Variants in PSAP observed in about 807,000 individuals in gnomAD.
PSAP encodes the protein precursor of saposins.
Under a neutral mutation model 66.0 loss-of-function variants are expected in PSAP, and 25 were observed. The ratio of observed to expected loss-of-function variants is 0.38; its 90% confidence interval spans 0.28 to 0.53. The LOEUF (loss-of-function observed/expected upper bound fraction) is 0.53. PSAP is among the 20% of genes least tolerant of loss of function. The probability of loss-of-function intolerance (pLI) is 0.83; values close to 1 mark genes in which losing one functional copy is unlikely to be tolerated. For synonymous variants in PSAP, 273 were observed against 258.9 expected (o/e 1.05, Z -0.52); for missense variants, 649 against 668.8 (o/e 0.97, Z 0.33).
rs1290504062 is a variant in PSAP at position 71,831,168 on chromosome 10, G to A, written c.333C>T (p.Asp111=). ...NMSASCKEIV[D]SYLPVILDII... is the part of the protein sequence containing the mutation. ...TGTCCAGGATGACAGGGAGGTAGGA[G>A]TCCACTATCTCCTTGCATGAAGCAG... is the stretch of plus-strand genomic sequence containing the variant. The change falls in exon 4 of 14, where the codon GAC becomes GAT. Residue 111 remains aspartate, a synonymous_variant. Transcript: ENST00000394936. 1 of 1,614,176 alleles carries A rather than the reference G, an allele frequency of 6.2e-7. No individual in the cohort carries two copies. The highest frequency in any genetic ancestry group is 1.6e-4 in the Middle Eastern group (1 of 6,062).
chr10:71,832,135 C>T (rs1407819878), intron 2 of PSAP, among the ~76,000 whole-genome samples: 2 of 152,154 alleles, frequency 1.3e-5, no homozygotes, highest in African/African-American at 4.8e-5. Flanking sequence ...CTGTGAGTTA[C>T]AGGACACAGA....
intron 1 of PSAP, among the ~76,000 whole-genome samples, chr10:71,846,443 A>T (rs966193682): frequency 6.6e-6 from 1 of 150,952 alleles, no homozygotes; most frequent in Non-Finnish European, 1.5e-5. Flanking sequence ...AAAAAAAAAA[A>T]GCCAGGTGCG....
intron 1 of PSAP, among the ~76,000 whole-genome samples, chr10:71,844,133 A>C (rs770451493): frequency 6.6e-6 from 1 of 152,260 alleles, no homozygotes; most frequent in Non-Finnish European, 1.5e-5. Context: ...AACAATATCA[A>C]ATGTTAACAA....
In PSAP at chr10:71,851,225, G is replaced by T. The variant is rs2070188; in HGVS notation, c.-4C>A. 2.6e-6 allele frequency: 4 copies of T among 1,550,852 alleles called. No individual in the cohort carries two copies. In the African/African-American group the frequency reaches 4.1e-5, roughly 16 times the overall value. ...CCAGGAGGAAGAGGGCGTACATAGC[G>T]CCGTCTGACTCCGCAGTCTGCAATG... On this transcript the variant is annotated 5_prime_UTR_variant, in exon 1 of 14. Transcript: ENST00000394936.
intron 5 of PSAP, among the ~76,000 whole-genome samples, 161 bp from the exon 6 acceptor site, chr10:71,828,318 G>A (rs931956678): frequency 6.6e-6 from 1 of 152,130 alleles, no homozygotes. Context: ...TCGATTAAGT[G>A]TTCATTATAG....
chr10:71,820,242 C>T lies in PSAP; in HGVS notation c.1003G>A (p.Glu335Lys). The change falls in exon 9 of 14, where the codon GAG becomes AAG. Residue 335 changes from glutamate (E) to lysine (K), a missense_variant and splice_region_variant. Coordinates refer to ENST00000394936, the MANE Select transcript of PSAP (RefSeq NM_002778.4). ...VTKLIDNNKT[E>K]KEILDAFDKM... ...CCTCTGCCAGGAGGACAGCATACCT[C>T]AGTCTTGTTGTTGTCAATCAGCTTG... 6.2e-7 allele frequency: 1 copy of T among 1,611,834 alleles called. No homozygotes were observed. Among genetic ancestry groups the T allele is most frequent in the African/African-American group, 1.3e-5 (1 of 75,006 alleles).
chr10:71,829,069 AGGACG>A lies in PSAP; in HGVS notation c.379_383del (p.Arg127TrpfsTer30). On this transcript the variant is annotated frameshift_variant, in exon 5 of 14. Coordinates refer to ENST00000394936, the MANE Select transcript of PSAP (RefSeq NM_002778.4). LOFTEE classifies it high-confidence loss of function. ...GGTTGAGAGCAGAGCACACCTCCCC[AGGACG>A]GCTCTGGTGGGATGGAAAGAAGTCC... 8 of 1,613,998 alleles carry A rather than the reference AGGACG, an allele frequency of 5.0e-6. No individual in the cohort carries two copies. Among genetic ancestry groups the A allele is most frequent in the Non-Finnish European group, 6.8e-6 (8 of 1,179,940 alleles).
intron 6 of PSAP, among the ~76,000 whole-genome samples, chr10:71,826,875 G>C (rs1016312707): frequency 2.6e-5 from 4 of 152,304 alleles, no homozygotes; most frequent in Admixed American, 1.3e-4. Flanking sequence ...TTCTTCAGTT[G>C]TCAGGTACTA....
chr10:71,831,006 G>T, intron 4 of PSAP, 120 bp downstream of exon 4: 1 of 1,443,838 alleles, frequency 6.9e-7, no homozygotes, highest in Non-Finnish European at 9.6e-7. Flanking sequence ...GTAGCAAAAT[G>T]CTGTTGAGGA....
chr10:71,829,069 A>T lies in PSAP; in HGVS notation c.384T>A (p.Pro128=). Residue 128 remains proline, a synonymous_variant, in exon 5 of 14, where the codon CCT becomes CCA. Transcript: ENST00000394936. ...GGTTGAGAGCAGAGCACACCTCCCC[A>T]GGACGGCTCTGGTGGGATGGAAAGA... is the stretch of plus-strand genomic sequence containing the variant. The part of the protein sequence containing the change: ...LDIIKGEMSR[P]GEVCSALNLC... 2 of 1,613,998 alleles carry T rather than the reference A, an allele frequency of 1.2e-6. No homozygotes were observed. Among genetic ancestry groups the T allele is most frequent in the South Asian group, 2.2e-5 (2 of 91,080 alleles).
At chr10:71,832,039 G>A (rs1020513104) in intron 2 of PSAP, 119 bp from the exon 3 acceptor site, 10 of 1,000,032 alleles carry the variant, frequency 1.0e-5, no homozygotes, top group African/African-American at 9.5e-5. Flanking sequence ...TCATGACCGC[G>A]CTCCTGTCAC....
At chr10:71,830,983 TG>T in intron 4 of PSAP, 142 bp downstream of exon 4, 1 of 1,294,572 alleles carries the variant, frequency 7.7e-7, no homozygotes, top group Non-Finnish European at 1.1e-6. Flanking sequence ...GGAGCTATTC[TG>T]GATGTCAAAT....
In PSAP at chr10:71,834,962, C is replaced by T. The variant is rs952184638; in HGVS notation, c.41-457G>A. On this transcript the variant is annotated intron_variant, in intron 1 of 13. Transcript: ENST00000394936. ...TTTTAAAAAAGAAAAACAGGCTGGGCACGGTGGCTCACGCCTATAATCCCA... is the reference window on the plus strand; with the variant it reads ...TTTTAAAAAAGAAAAACAGGCTGGGTACGGTGGCTCACGCCTATAATCCCA... Among the ~76,000 whole-genome samples the T allele has an allele frequency of 2.0e-5, 3 of 152,018 alleles. No individual in the cohort carries two copies. The East Asian group carries it at 5.8e-4, about 29-fold the overall frequency.
At chr10:71,818,904 T>C in intron 12 of PSAP, 127 bp downstream of exon 12, 1 of 1,087,396 alleles carries the variant, frequency 9.2e-7, no homozygotes, top group Non-Finnish European at 1.4e-6. Flanking sequence ...CCCTACCTTC[T>C]TGGCTCTCCC....
rs967276372 is a variant in PSAP, at chr10:71,829,174, C to G, written c.376-97G>C. On this transcript the variant is annotated intron_variant, in intron 4 of 13. Coordinates refer to ENST00000394936, the MANE Select transcript of PSAP (RefSeq NM_002778.4). ...TCTGAATTAGTCCCTCTCTTTAAAT[C>G]CCTTAAAAGAAACACAAACCTGTTG... The G allele has an allele frequency of 9.5e-6, 11 of 1,157,600 alleles. No individual in the cohort carries two copies. The African/African-American group carries it at 1.1e-4, about 11-fold the overall frequency. The allele number at this position is 1,157,600 out of a possible 1,614,324, so 71.7% of individuals were successfully genotyped here.
At chr10:71,844,418 CACT>C (rs1842783125) in intron 1 of PSAP, among the ~76,000 whole-genome samples, 3 of 152,218 alleles carry the variant, frequency 2.0e-5, no homozygotes, top group Admixed American at 1.3e-4. Flanking sequence ...CTAATCCCAG[CACT>C]TTGGGGGGCT....
chr10:71,823,340 A>G (rs1343275333), intron 7 of PSAP, among the ~76,000 whole-genome samples: 1 of 152,258 alleles, frequency 6.6e-6, no homozygotes, highest in Non-Finnish European at 1.5e-5. Context: ...AGAAGCCACA[A>G]TCAAGAGATT....
intron 1 of PSAP, among the ~76,000 whole-genome samples, chr10:71,836,562 C>A (rs146925655): frequency 6.6e-6 from 1 of 152,216 alleles, no homozygotes; most frequent in East Asian, 1.9e-4. Flanking sequence ...CAGGAGGCTA[C>A]CAAATGAGTC....
intron 1 of PSAP, among the ~76,000 whole-genome samples, chr10:71,843,516 T>C (rs1426281508): frequency 2.0e-5 from 3 of 152,248 alleles, no homozygotes; most frequent in African/African-American, 7.2e-5. Flanking sequence ...TCTCTGCGTC[T>C]TCTTCAATCT....
Sources: allele counts gnomAD v4.1 joint callset (sites outside exome capture counted in the v4.1 genomes callset), GRCh38; gene constraint gnomAD v4.1.1; transcripts MANE v1.5; gene names NCBI Gene and HGNC (gene_info 2026-07-23, HGNC 2026-07-21).